The following CD300E variants were observed in gnomAD, a reference collection of about 807,000 sequenced individuals.
CD300E encodes CD300e molecule.
In CD300E, 14 loss-of-function variants were observed where a neutral mutation model predicts 20.9. The ratio of observed to expected loss-of-function variants is 0.67; its 90% confidence interval spans 0.44 to 1.05. CD300E has a LOEUF of 1.05. Among genes scored for constraint, CD300E ranks in the 50% least tolerant of loss-of-function variants. CD300E has a pLI of 0.00. For missense variants in CD300E, 237 were observed against 253.9 expected, an observed-to-expected ratio of 0.93 and a Z score of 0.45; for synonymous variants, 102 against 103.7, an observed-to-expected ratio of 0.98 and a Z score of 0.10.
At chr17:74,614,118 C>T (rs2030848687) in intron 2 of CD300E, 85 bp from the exon 3 acceptor site, 2 of 1,056,530 alleles carry the variant, frequency 1.9e-6, no homozygotes, top group African/African-American at 1.6e-5. Context: ...TACAGAATCA[C>T]CCACTCACAG....
chr17:74,612,149 A>T lies in CD300E; in HGVS notation c.*504T>A, dbSNP rs940952713. 2.0e-5 allele frequency: 3 copies of T among 152,456 alleles called. No individual in the cohort carries two copies. The highest frequency in any genetic ancestry group is 7.3e-5 in the African/African-American group (3 of 41,350). 9.4% of individuals were successfully genotyped at this position (152,456 alleles called of 1,614,324 possible). On this transcript the variant is annotated 3_prime_UTR_variant, in exon 4 of 4. Transcript: ENST00000392619. Reference sequence around the variant, plus strand: ...CTGAGAAGCATTTGTGCCAAGAAGAATGAAGGGCCAGGCTCCTCCAGAAAA... The same window carrying T: ...CTGAGAAGCATTTGTGCCAAGAAGATTGAAGGGCCAGGCTCCTCCAGAAAA...
chr17:74,618,733 C>T (rs566705933), intron 1 of CD300E, among the ~76,000 whole-genome samples: 211 of 152,242 alleles, frequency 1.4e-3, no homozygotes, highest in African/African-American at 4.8e-3. Context: ...ACCAACCATG[C>T]TTGGCCTGAG....
rs145451663 is a variant in CD300E, at chr17:74,612,719, C to T, written c.552G>A (p.Leu184=). 2.7e-4 allele frequency: 432 copies of T among 1,613,980 alleles called. 2 individuals are homozygous for T. In the African/African-American group the frequency reaches 4.9e-3, roughly 18 times the overall value. The change falls in exon 4 of 4, where the codon CTG becomes CTA. Residue 184 remains leucine (L), a synonymous_variant. Coordinates refer to ENST00000392619, the MANE Select transcript of CD300E (RefSeq NM_181449.3). The part of the protein sequence containing the change: ...FLLVVLLKLP[L]LLSMLGAVFW... Reference sequence around the variant, plus strand: ...AGACAGCACCCAGCATGCTCAGGAGCAGGGGCAGCTTCAGAAGGACCACGA... The same window carrying T: ...AGACAGCACCCAGCATGCTCAGGAGTAGGGGCAGCTTCAGAAGGACCACGA...
chr17:74,622,954 T>C (rs1317289020), intron 1 of CD300E, among the ~76,000 whole-genome samples: 2 of 152,100 alleles, frequency 1.3e-5, no homozygotes, highest in African/African-American at 4.8e-5. Context: ...GCCAGGCTGG[T>C]CTCAAACTCC....
intron 1 of CD300E, among the ~76,000 whole-genome samples, chr17:74,620,888 C>G (rs8075532): frequency 0.43 from 65,478 of 151,680 alleles, 14,219 homozygotes; most frequent in Non-Finnish European, 0.47. Context: ...ACTAAAAATA[C>G]AAAAATTAGC....
intron 1 of CD300E, among the ~76,000 whole-genome samples, chr17:74,621,857 C>G (rs1479855180): frequency 6.6e-6 from 1 of 152,116 alleles, no homozygotes; most frequent in Non-Finnish European, 1.5e-5. Flanking sequence ...ATTTGCCCTG[C>G]CTGGGTCACA....
In CD300E at chr17:74,612,363, T is replaced by G; in HGVS notation, c.*290A>C. On this transcript the variant is annotated 3_prime_UTR_variant, in exon 4 of 4. Coordinates refer to ENST00000392619, the MANE Select transcript of CD300E (RefSeq NM_181449.3). ...CCTGCCTCAGCCTCCTGAGCTGGGA[T>G]TATAGGCACTCGCTATGGTGCCCGG... The G allele has an allele frequency of 1.2e-5, 3 of 251,278 alleles. No homozygotes were observed. The highest frequency in any genetic ancestry group is 1.6e-5 in the Non-Finnish European group (2 of 128,226). The allele number at this position is 251,278 out of a possible 1,614,324, so 15.6% of individuals were successfully genotyped here.
Position 74,617,464 on chromosome 17 carries a change from G to C in CD300E, c.42C>G (p.Gly14=). The C allele has an allele frequency of 6.2e-7, 1 of 1,610,306 alleles. No individual in the cohort carries two copies. Among genetic ancestry groups the C allele is most frequent in the South Asian group, 1.1e-5 (1 of 90,942 alleles). ...LPALLLLCLS[G]CLSLKGPGSV... is the part of the protein sequence containing the mutation. ...AGCCGGGGCCCTTCAGAGACAAACA[G>C]CCTGGAAAACACAAGCCCGAGTCCC... The change falls in exon 2 of 4, where the codon GGC becomes GGG. Residue 14 remains glycine, a splice_region_variant and synonymous_variant. Coordinates refer to ENST00000392619, the MANE Select transcript of CD300E (RefSeq NM_181449.3).
At chr17:74,623,394 G>A (rs1568036863) in intron 1 of CD300E, among the ~76,000 whole-genome samples, 188 bp downstream of exon 1, 1 of 152,240 alleles carries the variant, frequency 6.6e-6, no homozygotes, top group East Asian at 1.9e-4. Flanking sequence ...CATATCTGGT[G>A]CTCAGTAAGT....
chr17:74,618,286 A>G (rs1035110836), intron 1 of CD300E, among the ~76,000 whole-genome samples: 1 of 152,224 alleles, frequency 6.6e-6, no homozygotes, highest in African/African-American at 2.4e-5. Flanking sequence ...ATCTTAAGCA[A>G]GTGCTGAAAA....
At chr17:74,618,882 C>G (rs2030961244) in intron 1 of CD300E, among the ~76,000 whole-genome samples, 1 of 152,102 alleles carries the variant, frequency 6.6e-6, no homozygotes, top group Non-Finnish European at 1.5e-5. Context: ...TCTGTGCTCC[C>G]TTGACCACAG....
At chr17:74,615,360 C>T (rs918056609) in intron 2 of CD300E, among the ~76,000 whole-genome samples, 6 of 152,146 alleles carry the variant, frequency 3.9e-5, no homozygotes, top group South Asian at 2.1e-4. Flanking sequence ...AAGGAGCCAG[C>T]CCCAGGAGGA....
In CD300E at chr17:74,611,906, G is replaced by A. The variant is rs2030785667; in HGVS notation, c.*747C>T. The A allele has an allele frequency of 6.6e-6, 1 of 152,398 alleles. No individual in the cohort carries two copies. Among genetic ancestry groups the A allele is most frequent in the Non-Finnish European group, 1.5e-5 (1 of 68,170 alleles). 9.4% of individuals were successfully genotyped at this position (152,398 alleles called of 1,614,324 possible). On this transcript the variant is annotated 3_prime_UTR_variant, in exon 4 of 4. Transcript: ENST00000392619. ...AGGGAGAGAAGGGGCCTTAAAGCCA[G>A]GGAGACCCAAGGGGCGTCAGAAGAC... is the stretch of plus-strand genomic sequence containing the variant.
chr17:74,619,152 A>T (rs971868246), intron 1 of CD300E: 17 of 470,852 alleles, frequency 3.6e-5, no homozygotes, highest in Non-Finnish European at 6.6e-5. Context: ...TCCCAGCAGC[A>T]CCTCCTTCTA....
intron 1 of CD300E, among the ~76,000 whole-genome samples, chr17:74,620,451 CAGAG>C (rs1400589765): frequency 2.6e-5 from 4 of 151,980 alleles, no homozygotes; most frequent in African/African-American, 4.8e-5. Context: ...GGCTGGGCAA[CAGAG>C]AGAGACTCCA....
chr17:74,621,735 G>A (rs1248341035), intron 1 of CD300E, among the ~76,000 whole-genome samples: 1 of 152,190 alleles, frequency 6.6e-6, no homozygotes, highest in Non-Finnish European at 1.5e-5. Flanking sequence ...ATGGCCAATG[G>A]AAAGAGCTCT....
In CD300E at chr17:74,613,784, C is replaced by G. The variant is rs566661096; in HGVS notation, c.497+141G>C. ...TTCCCACTCAGCATCCACATGCAGC[C>G]TCAGAGAGTATGAGAATCAGGACCA... On this transcript the variant is annotated intron_variant, in intron 3 of 3. Coordinates refer to ENST00000392619, the MANE Select transcript of CD300E (RefSeq NM_181449.3). The G allele has an allele frequency of 3.6e-4, 220 of 610,866 alleles. 1 individual carries two copies. Among genetic ancestry groups the G allele is most frequent in the Admixed American group, 1.3e-4 (5 of 39,126 alleles). 37.8% of individuals were successfully genotyped at this position (610,866 alleles called of 1,614,324 possible).
intron 1 of CD300E, among the ~76,000 whole-genome samples, chr17:74,622,708 G>A (rs557260965): frequency 7.9e-5 from 12 of 151,132 alleles, no homozygotes; most frequent in Admixed American, 2.7e-4. Context: ...ACCTTGTTCC[G>A]GGAAGGATTT....
At chr17:74,612,849 T>C in intron 3 of CD300E, 76 bp from the exon 4 acceptor site, 2 of 1,569,480 alleles carry the variant, frequency 1.3e-6, no homozygotes, top group Non-Finnish European at 1.7e-6. Flanking sequence ...CCTCTCCCCA[T>C]GCTCTGACTC....
Sources: allele counts gnomAD v4.1 joint callset (sites outside exome capture counted in the v4.1 genomes callset), GRCh38; gene constraint gnomAD v4.1.1; transcripts MANE v1.5; gene names NCBI Gene and HGNC (gene_info 2026-07-23, HGNC 2026-07-21).